FBXL2: variants seen among roughly 807,000 people sequenced by gnomAD.
FBXL2 encodes F-box and leucine rich repeat protein 2, also known as F-box/LRR-repeat protein 2.
Under a neutral mutation model 69.2 loss-of-function variants are expected in FBXL2, and 38 were observed. That is an observed-to-expected ratio of 0.55 (90% CI 0.42 to 0.72). FBXL2 has a LOEUF of 0.72. FBXL2 is among the 30% of genes least tolerant of loss of function. FBXL2 has a pLI of 0.00. For synonymous variants in FBXL2, 192 were observed against 201.3 expected (o/e 0.95, Z 0.39); for missense variants, 354 against 520.3 (o/e 0.68, Z 3.11).
chr3:33,281,864 T>C (rs1163884120), intron 1 of FBXL2, among the ~76,000 whole-genome samples: 1 of 152,254 alleles, frequency 6.6e-6, no homozygotes, highest in East Asian at 1.9e-4. Context: ...TGTCTGTTCA[T>C]ATCCGTTGCC....
In FBXL2 at chr3:33,386,577, G is replaced by A. The variant is rs918789826; in HGVS notation, c.*969G>A. ...ACACTTAAAACTCAGATCAGTAAGT[G>A]TTGGTACCTTTTAGACTCATAAAAT... On this transcript the variant is annotated 3_prime_UTR_variant, in exon 15 of 15. Transcript: ENST00000484457. 6.6e-6 allele frequency: 1 copy of A among 151,928 alleles called. No homozygotes were observed. Among genetic ancestry groups the A allele is most frequent in the Admixed American group, 6.6e-5 (1 of 15,246 alleles). The allele number at this position is 151,928 out of a possible 1,614,324, so 9.4% of individuals were successfully genotyped here. A position where few individuals can be genotyped will look rare whatever the true frequency, so the allele number is the denominator to read the frequency against.
chr3:33,283,444 GT>G (rs1340834725), intron 1 of FBXL2, among the ~76,000 whole-genome samples: 1 of 151,926 alleles, frequency 6.6e-6, no homozygotes, highest in African/African-American at 2.4e-5. Context: ...GCTGGATTCA[GT>G]TTGCCAGTAT....
intron 2 of FBXL2, among the ~76,000 whole-genome samples, chr3:33,358,666 T>C (rs1280848921): frequency 1.3e-5 from 2 of 152,186 alleles, no homozygotes; most frequent in Non-Finnish European, 2.9e-5. Flanking sequence ...TGCTAGAGAG[T>C]TGGTCTTCAA....
At chr3:33,375,477 G>GCTT in intron 10 of FBXL2, 59 bp downstream of exon 10, 2 of 1,587,902 alleles carry the variant, frequency 1.3e-6, no homozygotes, top group Non-Finnish European at 1.7e-6. Context: ...AACCAAGAGG[G>GCTT]CTTCCTTCAG....
chr3:33,370,417 C>CAAAAAA (rs35020611), intron 5 of FBXL2, among the ~76,000 whole-genome samples: 20,348 of 127,242 alleles, frequency 0.16, 1,934 homozygotes, highest in East Asian at 0.43. Flanking sequence ...GACTCCGTCT[C>CAAAAAA]AAAAAAAAAA....
At chr3:33,404,886 T>C (rs1339019289), downstream of FBXL2, among the ~76,000 whole-genome samples, 1 of 152,196 alleles carries the variant, frequency 6.6e-6, no homozygotes, top group Non-Finnish European at 1.5e-5. Flanking sequence ...TGCTCATATG[T>C]ATAAAATTCT....
At chr3:33,408,878 G>A in the FBXL2 span, 1 of 1,248,922 alleles carries the variant, frequency 8.0e-7, no homozygotes, top group Non-Finnish European at 1.2e-6. Flanking sequence ...TGTCTCTTCA[G>A]TCCAATTAAA....
upstream of FBXL2, chr3:33,277,392 A>C: frequency 9.1e-7 from 1 of 1,103,754 alleles, no homozygotes; most frequent in Non-Finnish European, 1.2e-6. Context: ...CCGACCACCA[A>C]TGGCCGCCTC....
chr3:33,293,391 TATGGC>T (rs903074036), intron 1 of FBXL2, among the ~76,000 whole-genome samples: 37 of 152,216 alleles, frequency 2.4e-4, no homozygotes, highest in Non-Finnish European at 5.3e-4. Flanking sequence ...AAGAGGAAAC[TATGGC>T]ATAGAAAAGT....
intron 5 of FBXL2, among the ~76,000 whole-genome samples, chr3:33,366,908 T>A (rs1210629758): frequency 6.6e-6 from 1 of 152,062 alleles, no homozygotes; most frequent in African/African-American, 2.4e-5. Context: ...AGCTTGGCAG[T>A]GAGCAAGCAA....
intron 2 of FBXL2, among the ~76,000 whole-genome samples, chr3:33,346,199 C>G (rs1434229061): frequency 1.3e-5 from 2 of 152,020 alleles, no homozygotes; most frequent in East Asian, 3.8e-4. Context: ...GCACTCCAGT[C>G]TGGGCAACAA....
At chr3:33,280,837 CTT>C (rs942741861) in intron 1 of FBXL2, among the ~76,000 whole-genome samples, 11 of 151,322 alleles carry the variant, frequency 7.3e-5, no homozygotes, top group African/African-American at 2.7e-4. Context: ...TTGTTTAACA[CTT>C]TATTGTGTAA....
In FBXL2 at chr3:33,385,716, A is replaced by G; in HGVS notation, c.*108A>G. The G allele has an allele frequency of 1.1e-6, 1 of 886,530 alleles. No homozygotes were observed. The highest frequency in any genetic ancestry group is 1.8e-6 in the Non-Finnish European group (1 of 544,678). The allele number at this position is 886,530 out of a possible 1,614,324, so 54.9% of individuals were successfully genotyped here. ...CCAATCTGTTGATTCTCCATTGGGA[A>G]AGGCATTTACAGGTAAAAGACTTCT... On this transcript the variant is annotated 3_prime_UTR_variant, in exon 15 of 15. Transcript: ENST00000484457.
chr3:33,376,219 A>G (rs550146445), intron 10 of FBXL2, among the ~76,000 whole-genome samples: 22 of 152,296 alleles, frequency 1.4e-4, no homozygotes, highest in Admixed American at 8.5e-4. Flanking sequence ...GATTATCATT[A>G]CCAGCTATGA....
At chr3:33,417,889 G>T in the FBXL2 span, among the ~76,000 whole-genome samples, 15 of 152,172 alleles carry the variant, frequency 9.9e-5, no homozygotes, top group African/African-American at 3.6e-4. Flanking sequence ...ATTCAACAAG[G>T]GGTTATCAAA....
chr3:33,315,930 C>T (rs974362886), intron 2 of FBXL2, among the ~76,000 whole-genome samples: 1 of 152,144 alleles, frequency 6.6e-6, no homozygotes, highest in South Asian at 2.1e-4. Context: ...AAAGTTTCCT[C>T]TTAGTCATCG....
chr3:33,278,622 A>G (rs1433453379), intron 1 of FBXL2, among the ~76,000 whole-genome samples: 1 of 152,052 alleles, frequency 6.6e-6, no homozygotes, highest in Non-Finnish European at 1.5e-5. Flanking sequence ...TGGTGGTGGG[A>G]GGTGGATGGT....
intron 4 of FBXL2, 138 bp downstream of exon 4, chr3:33,359,495 G>T: frequency 2.0e-6 from 1 of 506,270 alleles, no homozygotes; most frequent in Non-Finnish European, 3.4e-6. Flanking sequence ...AAACTGGAAG[G>T]GATTTGCATA....
chr3:33,359,563 TTGTTTA>T (rs1279951693), intron 4 of FBXL2, among the ~76,000 whole-genome samples: 1 of 152,130 alleles, frequency 6.6e-6, no homozygotes, highest in Non-Finnish European at 1.5e-5. Context: ...TTTTTTTCCC[TTGTTTA>T]TGTTTATAGT....
Sources: gnomAD v4.1 joint callset for allele counts (sites outside exome capture counted in the v4.1 genomes callset) on GRCh38, gnomAD v4.1.1 for gene constraint, MANE v1.5 for transcripts, NCBI Gene and HGNC (gene_info 2026-07-23, HGNC 2026-07-21) for gene names.